SLC25A21: variants seen among roughly 807,000 people sequenced by gnomAD.
The protein encoded by SLC25A21 is mitochondrial 2-oxodicarboxylate carrier.
Under a neutral mutation model 43.8 loss-of-function variants are expected in SLC25A21, and 47 were observed. The observed-to-expected ratio is 1.07, with a 90% CI of 0.85 to 1.37. The LOEUF (loss-of-function observed/expected upper bound fraction) is 1.37. SLC25A21 is among the 40% of genes most tolerant of loss of function. The probability of loss-of-function intolerance (pLI) is 0.00; values close to 1 mark genes in which losing one functional copy is unlikely to be tolerated. For synonymous variants in SLC25A21, 131 were observed against 121.3 expected (o/e 1.08, Z -0.52); for missense variants, 352 against 350.2 (o/e 1.00, Z -0.04).
At chr14:36,689,446 A>G (rs970492014) in intron 7 of SLC25A21, among the ~76,000 whole-genome samples, 5 of 152,200 alleles carry the variant, frequency 3.3e-5, no homozygotes, top group Non-Finnish European at 5.9e-5. Context: ...TTAGGCTTGT[A>G]AAAGCTTGAA....
At chr14:36,785,022 A>T (rs1050341377) in intron 3 of SLC25A21, among the ~76,000 whole-genome samples, 4 of 152,220 alleles carry the variant, frequency 2.6e-5, no homozygotes, top group Non-Finnish European at 5.9e-5. Flanking sequence ...GTAAGGATAG[A>T]TTAATTAGTT....
chr14:36,746,346 CAG>C (rs1885495406), intron 3 of SLC25A21, among the ~76,000 whole-genome samples: 1 of 149,126 alleles, frequency 6.7e-6, no homozygotes, highest in Non-Finnish European at 1.5e-5. Flanking sequence ...GACTTAGAAA[CAG>C]AAAGTCAAAA....
chr14:36,912,729 G>C (rs1471062956), intron 1 of SLC25A21, among the ~76,000 whole-genome samples: 1 of 152,204 alleles, frequency 6.6e-6, no homozygotes, highest in African/African-American at 2.4e-5. Context: ...GTAAGCCTCT[G>C]TCTGGGTAAG....
chr14:36,855,629 G>C (rs908367833), intron 2 of SLC25A21, among the ~76,000 whole-genome samples: 2 of 152,122 alleles, frequency 1.3e-5, no homozygotes, highest in Non-Finnish European at 1.5e-5. Context: ...GAGCAACTGT[G>C]GGGTGGGGCT....
intron 1 of SLC25A21, among the ~76,000 whole-genome samples, chr14:36,899,380 C>G (rs1206046575): frequency 6.6e-6 from 1 of 152,170 alleles, no homozygotes; most frequent in African/African-American, 2.4e-5. Context: ...TATAAATAAC[C>G]AAATCTGCAT....
chr14:36,745,296 A>G (rs1235425294), intron 3 of SLC25A21, among the ~76,000 whole-genome samples: 6 of 152,158 alleles, frequency 3.9e-5, no homozygotes, highest in Non-Finnish European at 7.3e-5. Flanking sequence ...TAGTGCCACA[A>G]TAAACATACG....
chr14:36,879,575 T>G (rs531239113), intron 1 of SLC25A21, among the ~76,000 whole-genome samples: 1 of 152,264 alleles, frequency 6.6e-6, no homozygotes, highest in South Asian at 2.1e-4. Flanking sequence ...AATGCATGGG[T>G]TATCCCCTGA....
chr14:36,964,685 T>G (rs1277040430), intron 1 of SLC25A21, among the ~76,000 whole-genome samples: 3 of 152,198 alleles, frequency 2.0e-5, no homozygotes, highest in African/African-American at 7.2e-5. Context: ...TATTAAGCAG[T>G]GACTATAAAT....
intron 1 of SLC25A21, among the ~76,000 whole-genome samples, chr14:37,023,086 G>A (rs1456862761): frequency 1.3e-5 from 2 of 152,028 alleles, no homozygotes; most frequent in Non-Finnish European, 2.9e-5. Context: ...TTACCAACAA[G>A]CTGAACACAT....
intron 3 of SLC25A21, among the ~76,000 whole-genome samples, chr14:36,781,256 T>C (rs1313426797): frequency 2.6e-5 from 4 of 152,160 alleles, no homozygotes; most frequent in Admixed American, 6.5e-5. Flanking sequence ...TGGTTGGGTC[T>C]TATTTTATAG....
At chr14:37,129,320 C>G (rs1226827271) in intron 1 of SLC25A21, among the ~76,000 whole-genome samples, 1 of 152,180 alleles carries the variant, frequency 6.6e-6, no homozygotes, top group African/African-American at 2.4e-5. Flanking sequence ...AGTGGCAGGT[C>G]AGCATCTAGT....
chr14:37,029,026 G>A (rs1961151396), intron 1 of SLC25A21, among the ~76,000 whole-genome samples: 1 of 152,086 alleles, frequency 6.6e-6, no homozygotes, highest in Admixed American at 6.5e-5. Flanking sequence ...ACAGAAACAA[G>A]AGAGTTAAAT....
intron 1 of SLC25A21, among the ~76,000 whole-genome samples, chr14:36,877,704 G>A (rs1169463): frequency 0.013 from 1,937 of 151,706 alleles, 24 homozygotes; most frequent in Non-Finnish European, 0.021. Flanking sequence ...AGGACAGCAT[G>A]AGCATGAGGC....
At chr14:36,780,872 T>C (rs1887031231) in intron 3 of SLC25A21, among the ~76,000 whole-genome samples, 1 of 152,112 alleles carries the variant, frequency 6.6e-6, no homozygotes, top group South Asian at 2.1e-4. Context: ...GTCTAATGTT[T>C]CCTTGTTGAT....
intron 1 of SLC25A21, among the ~76,000 whole-genome samples, chr14:36,969,657 T>TAA (rs200945940): frequency 2.1e-5 from 3 of 145,138 alleles, no homozygotes; most frequent in African/African-American, 7.6e-5. Context: ...CCTGGCTAAT[T>TAA]AAAAAAAAAA....
intron 3 of SLC25A21, among the ~76,000 whole-genome samples, chr14:36,795,025 T>C (rs1329984825): frequency 6.6e-6 from 1 of 152,166 alleles, no homozygotes; most frequent in Admixed American, 6.5e-5. Context: ...CTTTATTTAT[T>C]ATGACTTTCT....
At chr14:37,053,923 T>A (rs1311644648) in intron 1 of SLC25A21, among the ~76,000 whole-genome samples, 5 of 152,200 alleles carry the variant, frequency 3.3e-5, no homozygotes, top group African/African-American at 4.8e-5. Context: ...AATACTTTTT[T>A]AAAAACTGGT....
At chr14:37,007,742 AT>A in intron 1 of SLC25A21, among the ~76,000 whole-genome samples, 1 of 152,222 alleles carries the variant, frequency 6.6e-6, no homozygotes, top group South Asian at 2.1e-4. Flanking sequence ...ACGGGAAGAA[AT>A]TATCAATAGT....
rs1328087696 is a variant in SLC25A21 at position 36,776,230 on chromosome 14, C to CTTT, written c.203+37685_203+37687dup. Among the ~76,000 whole-genome samples, 177 of 70,764 alleles carry CTTT rather than the reference C, an allele frequency of 2.5e-3. 1 individual carries two copies. Among genetic ancestry groups the CTTT allele is most frequent in the African/African-American group, 0.011 (158 of 14,160 alleles). The allele number at this position is 70,764 out of a possible 152,430, so 46.4% of individuals were successfully genotyped here. On this transcript the variant is annotated intron_variant, in intron 3 of 9. Transcript: ENST00000331299. ...ACTGCTTTCTTTTTTCTTTTTCTTT[C>CTTT]TTTCTTTCTTTTTTTTTTTTTTTTG...
Sources: gnomAD v4.1 joint callset for allele counts (sites outside exome capture counted in the v4.1 genomes callset) on GRCh38, gnomAD v4.1.1 for gene constraint, MANE v1.5 for transcripts, NCBI Gene and HGNC (gene_info 2026-07-23, HGNC 2026-07-21) for gene names.